The following USP7 variants were observed in gnomAD, a reference collection of about 807,000 sequenced individuals.
USP7 encodes ubiquitin specific peptidase 7, also known as ubiquitin C-terminal hydrolase 7.
Under a neutral mutation model 162.9 loss-of-function variants are expected in USP7, and 9 were observed. The observed-to-expected ratio is 0.06, with a 90% CI of 0.03 to 0.10. The LOEUF (loss-of-function observed/expected upper bound fraction) is 0.10, where lower values mean the gene tolerates loss of function less well. USP7 is among the 10% of genes least tolerant of loss of function. The pLI is 1.00. For synonymous variants in USP7, 562 were observed against 475.9 expected (o/e 1.18, Z -2.35); for missense variants, 715 against 1,373.7 (o/e 0.52, Z 7.58).
chr16:8,905,510 AGGCAT>A (rs2061846089), intron 13 of USP7, among the ~76,000 whole-genome samples, 179 bp from the exon 14 acceptor site: 1 of 152,226 alleles, frequency 6.6e-6, no homozygotes, highest in African/African-American at 2.4e-5. Context: ...GCAGCGCCTC[AGGCAT>A]CCGCTCATAC....
intron 10 of USP7, among the ~76,000 whole-genome samples, chr16:8,913,136 A>C (rs2061974744): frequency 6.6e-6 from 1 of 152,200 alleles, no homozygotes. Flanking sequence ...TGGGCAGATC[A>C]CCTGAGGTCA....
In USP7 at chr16:8,892,185, A is replaced by C. The variant is rs2061608021; in HGVS notation, c.*1813T>G. 6.6e-6 allele frequency: 1 copy of C among 152,296 alleles called. No individual in the cohort carries two copies. The highest frequency in any genetic ancestry group is 2.4e-5 in the African/African-American group (1 of 41,454). The allele number at this position is 152,296 out of a possible 1,614,324, so 9.4% of individuals were successfully genotyped here. ...AGCCAACCCCCAGCCCAGAACAAAA[A>C]CAAGACACCTTAATGTTTGTTCAAA... On this transcript the variant is annotated 3_prime_UTR_variant, in exon 31 of 31. Coordinates refer to ENST00000344836, the MANE Select transcript of USP7 (RefSeq NM_003470.3).
chr16:8,948,327 C>T (rs1413073894), intron 1 of USP7, among the ~76,000 whole-genome samples: 3 of 152,162 alleles, frequency 2.0e-5, no homozygotes, highest in Non-Finnish European at 4.4e-5. Flanking sequence ...GAACTACAAG[C>T]ACACGCCATC....
At chr16:8,928,586 T>C (rs980711880) in intron 2 of USP7, among the ~76,000 whole-genome samples, 2 of 152,130 alleles carry the variant, frequency 1.3e-5, no homozygotes, top group African/African-American at 2.4e-5. Flanking sequence ...CAGCTACAAG[T>C]TCTTCTCCTA....
At chr16:8,896,227 A>C (rs963046506) in intron 26 of USP7, among the ~76,000 whole-genome samples, 3 of 151,078 alleles carry the variant, frequency 2.0e-5, no homozygotes, top group African/African-American at 7.3e-5. Flanking sequence ...CCCTTGAAGC[A>C]TAAGATTAAA....
intron 1 of USP7, among the ~76,000 whole-genome samples, chr16:8,961,460 C>A (rs1408911310): frequency 7.3e-6 from 1 of 137,550 alleles, no homozygotes; most frequent in African/African-American, 2.7e-5. Flanking sequence ...CCACTGCACT[C>A]CAGCCTGGGC....
chr16:8,962,233 C>G (rs1596424646), intron 1 of USP7, among the ~76,000 whole-genome samples: 1 of 152,318 alleles, frequency 6.6e-6, no homozygotes, highest in South Asian at 2.1e-4. Context: ...AGGTGGCCTC[C>G]ATTTGACTCC....
intron 8 of USP7, 57 bp downstream of exon 8, chr16:8,916,445 T>C (rs1897372667): frequency 6.4e-7 from 1 of 1,558,292 alleles, no homozygotes; most frequent in African/African-American, 1.4e-5. Context: ...TAATAACTTC[T>C]GACCATGCTT....
intron 2 of USP7, among the ~76,000 whole-genome samples, chr16:8,925,452 T>C (rs907913327): frequency 6.6e-6 from 1 of 152,222 alleles, no homozygotes; most frequent in Non-Finnish European, 1.5e-5. Context: ...TTTTATATAA[T>C]TCAGCTCTTT....
chr16:8,904,413 T>C (rs766407371), intron 15 of USP7, 22 bp downstream of exon 15: 8 of 1,611,500 alleles, frequency 5.0e-6, no homozygotes, highest in Non-Finnish European at 6.8e-6. Context: ...TGACCCGGAG[T>C]CCCAGAAGGG....
At chr16:8,926,569 T>A (rs1898011330) in intron 2 of USP7, among the ~76,000 whole-genome samples, 1 of 152,192 alleles carries the variant, frequency 6.6e-6, no homozygotes, top group African/African-American at 2.4e-5. Flanking sequence ...CAGATTGTCC[T>A]CCTACGAGGA....
In USP7 at chr16:8,899,719, G is replaced by A. The variant is rs1335592230; in HGVS notation, c.2348C>T (p.Ala783Val). ...PENDNSELPTAKEYFRDLYHR... is the reference protein window; with the variant it reads ...PENDNSELPTVKEYFRDLYHR... Reference sequence around the variant, plus strand: ...GTAGAGATCTCGGAAATACTCCTTTGCGGTGGGTAATTCACTGTTATCATT... The same window carrying A: ...GTAGAGATCTCGGAAATACTCCTTTACGGTGGGTAATTCACTGTTATCATT... The change falls in exon 22 of 31, where the codon GCA becomes GTA. Residue 783 changes from alanine (A) to valine (V), a missense_variant. This residue lies in a region of USP7 where 222 missense variants were observed against 441.7 expected (regional missense o/e 0.50). Coordinates refer to ENST00000344836, the MANE Select transcript of USP7 (RefSeq NM_003470.3). 6.2e-7 allele frequency: 1 copy of A among 1,613,596 alleles called. No individual in the cohort carries two copies. Among genetic ancestry groups the A allele is most frequent in the Non-Finnish European group, 8.5e-7 (1 of 1,179,904 alleles).
At chr16:8,901,551 T>C (rs1406234026) in intron 18 of USP7, among the ~76,000 whole-genome samples, 4 of 152,200 alleles carry the variant, frequency 2.6e-5, no homozygotes, top group South Asian at 2.1e-4. Context: ...TGGAAGAGCG[T>C]TGCCACGGGA....
At chr16:8,916,845 A>G (rs572291168) in intron 7 of USP7, among the ~76,000 whole-genome samples, 181 bp downstream of exon 7, 1 of 152,246 alleles carries the variant, frequency 6.6e-6, no homozygotes, top group South Asian at 2.1e-4. Context: ...CAAAGTGTCT[A>G]TTTCCAAAGA....
intron 13 of USP7, among the ~76,000 whole-genome samples, chr16:8,906,097 G>C (rs1042042190): frequency 6.6e-6 from 1 of 152,138 alleles, no homozygotes; most frequent in Non-Finnish European, 1.5e-5. Flanking sequence ...AGGGACATGC[G>C]ACCAGCCAGC....
chr16:8,947,108 CTG>C (rs1328335212), intron 1 of USP7, among the ~76,000 whole-genome samples: 1 of 152,076 alleles, frequency 6.6e-6, no homozygotes, highest in African/African-American at 2.4e-5. Context: ...CAGTATATCT[CTG>C]TAAGATTGGT....
intron 1 of USP7, among the ~76,000 whole-genome samples, chr16:8,940,788 T>A (rs2141248907): frequency 6.6e-6 from 1 of 152,144 alleles, no homozygotes; most frequent in East Asian, 1.9e-4. Context: ...GGTAGGGCCC[T>A]GGAATATTAG....
intron 26 of USP7, 100 bp from the exon 27 acceptor site, chr16:8,895,841 T>C: frequency 1.7e-5 from 1 of 58,458 alleles, no homozygotes; most frequent in South Asian, 3.3e-4. Flanking sequence ...CACGATATGT[T>C]TTTTTTTTTT....
intron 2 of USP7, among the ~76,000 whole-genome samples, chr16:8,927,525 C>T (rs895330454): frequency 2.0e-5 from 3 of 152,308 alleles, no homozygotes; most frequent in East Asian, 3.9e-4. Context: ...CTAGATCCAT[C>T]TAGATCTTCA....
Sources: allele counts gnomAD v4.1 joint callset (sites outside exome capture counted in the v4.1 genomes callset), GRCh38; gene constraint gnomAD v4.1.1; regional missense constraint gnomAD v4.1.1; transcripts MANE v1.5; gene names NCBI Gene and HGNC (gene_info 2026-07-23, HGNC 2026-07-21).